TEK: variants seen among roughly 807,000 people sequenced by gnomAD.
TEK encodes TEK receptor tyrosine kinase, also known as angiopoietin-1 receptor.
TEK carries 43 observed loss-of-function variants against 131.8 expected under a neutral mutation model. That is an observed-to-expected ratio of 0.33 (90% CI 0.26 to 0.42). The LOEUF is 0.42. Ranked by LOEUF, TEK falls within the 10% of genes least tolerant of loss-of-function variation. The pLI is 1.00. For synonymous variants in TEK, 580 were observed against 491.6 expected, an observed-to-expected ratio of 1.18 and a Z score of -2.38; for missense variants, 1,162 against 1,384.4, an observed-to-expected ratio of 0.84 and a Z score of 2.55.
chr9:27,220,568 G>A (rs1826022395), intron 21 of TEK, among the ~76,000 whole-genome samples: 1 of 152,212 alleles, frequency 6.6e-6, no homozygotes, highest in African/African-American at 2.4e-5. Context: ...GATCAACGCA[G>A]AAGGCAAGTG....
Position 27,197,592 on chromosome 9 carries a change from T to A in TEK, c.1902T>A (p.Leu634=), listed in dbSNP as rs148629677. The A allele has an allele frequency of 6.4e-5, 104 of 1,613,736 alleles. No individual in the cohort carries two copies. The highest frequency in any genetic ancestry group is 8.1e-5 in the Non-Finnish European group (95 of 1,179,960). Residue 634 remains leucine, a synonymous_variant, in exon 12 of 23, where the codon CTT becomes CTA. Transcript: ENST00000380036. ...EWSEDLTAWT[L]SDILPPQPEN... Reference sequence around the variant, plus strand: ...GTGAAGATCTCACTGCTTGGACCCTTAGTGACAGTAAGTAATTCATGCTGC... The same window carrying A: ...GTGAAGATCTCACTGCTTGGACCCTAAGTGACAGTAAGTAATTCATGCTGC...
intron 18 of TEK, among the ~76,000 whole-genome samples, chr9:27,217,360 A>C (rs767173007): frequency 3.3e-5 from 5 of 152,068 alleles, no homozygotes; most frequent in African/African-American, 4.8e-5. Context: ...TAATACAGTT[A>C]AATTCTCACT....
At chr9:27,194,444 G>C (rs1052993008) in intron 11 of TEK, among the ~76,000 whole-genome samples, 4 of 152,118 alleles carry the variant, frequency 2.6e-5, no homozygotes, top group Non-Finnish European at 4.4e-5. Context: ...GACCCACCTG[G>C]TTGTGAATAT....
At chr9:27,226,419 T>G (rs1223900355) in intron 21 of TEK, among the ~76,000 whole-genome samples, 1 of 152,190 alleles carries the variant, frequency 6.6e-6, no homozygotes, top group African/African-American at 2.4e-5. Context: ...GGATGAGTTC[T>G]TGTCCTTTGG....
intron 6 of TEK, 55 bp downstream of exon 6, chr9:27,173,417 GAT>G: frequency 6.2e-7 from 1 of 1,610,944 alleles, no homozygotes; most frequent in South Asian, 1.1e-5. Flanking sequence ...ATATAAAGGA[GAT>G]CCAGTTTGCT....
At chr9:27,130,484 C>T (rs1267839703) in intron 1 of TEK, among the ~76,000 whole-genome samples, 1 of 151,904 alleles carries the variant, frequency 6.6e-6, no homozygotes, top group Admixed American at 6.6e-5. Context: ...AAGTTTAAAA[C>T]ACAATAGAAG....
At chr9:27,127,782 G>C (rs1055253747) in intron 1 of TEK, among the ~76,000 whole-genome samples, 2 of 152,164 alleles carry the variant, frequency 1.3e-5, no homozygotes, top group African/African-American at 4.8e-5. Context: ...CTTCTTTTGA[G>C]AAGTGTCTGT....
At chr9:27,148,477 A>G (rs7871178) in intron 1 of TEK, among the ~76,000 whole-genome samples, 79,137 of 152,096 alleles carry the variant, frequency 0.52, 21,631 homozygotes, top group African/African-American at 0.57. Context: ...TTGGTCTCTC[A>G]TCCTCTAGCG....
intron 13 of TEK, among the ~76,000 whole-genome samples, chr9:27,203,735 G>C (rs896027940): frequency 6.6e-6 from 1 of 152,248 alleles, no homozygotes; most frequent in African/African-American, 2.4e-5. Context: ...CTTCAAGTCT[G>C]TGCAGAGGCA....
intron 21 of TEK, 92 bp downstream of exon 21, chr9:27,220,237 C>T (rs571222805): frequency 2.2e-5 from 25 of 1,157,226 alleles, no homozygotes; most frequent in Non-Finnish European, 2.9e-5. Flanking sequence ...AGCCGGTATA[C>T]ACTATACACA....
chr9:27,217,611 A>T, intron 18 of TEK, 77 bp from the exon 19 acceptor site: 1 of 1,284,330 alleles, frequency 7.8e-7, no homozygotes, highest in South Asian at 1.2e-5. Flanking sequence ...TCATTTGTGG[A>T]GCCACAGCTC....
chr9:27,209,021 GTGAC>G lies in TEK; in HGVS notation c.2576-96_2576-93del, dbSNP rs1825504426. The G allele has an allele frequency of 5.2e-6, 4 of 773,792 alleles. No homozygotes were observed. In the Admixed American group the frequency reaches 7.5e-5, roughly 15 times the overall value. The allele number at this position is 773,792 out of a possible 1,614,324, so 47.9% of individuals were successfully genotyped here. A position where few individuals can be genotyped will look rare whatever the true frequency, so the allele number is the denominator to read the frequency against. ...TCTCTTTGGTTGTATACAGTTGATG[GTGAC>G]TGAGGGTAGCTGAAGGTTCTTAGGG... On this transcript the variant is annotated intron_variant, in intron 15 of 22. Coordinates refer to ENST00000380036, the MANE Select transcript of TEK (RefSeq NM_000459.5).
At chr9:27,200,454 G>A (rs532554271) in intron 12 of TEK, among the ~76,000 whole-genome samples, 1 of 152,304 alleles carries the variant, frequency 6.6e-6, no homozygotes, top group African/African-American at 2.4e-5. Context: ...ATTGTATGAA[G>A]TTTGATGGAG....
At chr9:27,208,660 T>G (rs1825489119) in intron 15 of TEK, among the ~76,000 whole-genome samples, 1 of 152,214 alleles carries the variant, frequency 6.6e-6, no homozygotes, top group East Asian at 1.9e-4. Context: ...TCATGGAAAC[T>G]TTGGTTCTAT....
chr9:27,134,121 G>A (rs59235957), intron 1 of TEK, among the ~76,000 whole-genome samples: 307 of 152,314 alleles, frequency 2.0e-3, no homozygotes, highest in African/African-American at 7.0e-3. Flanking sequence ...GTGACAGGCT[G>A]TTCTAGTAGA....
In TEK at chr9:27,197,304, G is replaced by C; in HGVS notation, c.1625-11G>C. The C allele has an allele frequency of 6.2e-7, 1 of 1,613,428 alleles. No homozygotes were observed. Among genetic ancestry groups the C allele is most frequent in the East Asian group, 2.2e-5 (1 of 44,860 alleles). On this transcript the variant is annotated splice_polypyrimidine_tract_variant and intron_variant, in intron 11 of 22. Transcript: ENST00000380036. ...ATATATAAAAATAATGATTTTTCTG[G>C]ATTCTCCTAGGACTCCCTCCTCCAA... is the stretch of plus-strand genomic sequence containing the variant.
chr9:27,113,179 T>G (rs1427108661), intron 1 of TEK, among the ~76,000 whole-genome samples: 1 of 152,240 alleles, frequency 6.6e-6, no homozygotes, highest in Admixed American at 6.5e-5. Context: ...GTTATTTAAT[T>G]TCTCTAAGCC....
chr9:27,206,154 A>C (rs1012452799), intron 14 of TEK, among the ~76,000 whole-genome samples: 3 of 152,030 alleles, frequency 2.0e-5, no homozygotes, highest in African/African-American at 7.2e-5. Context: ...GAGTAGGATC[A>C]AGATAATGCT....
chr9:27,175,807 T>A (rs1250667163), intron 6 of TEK, among the ~76,000 whole-genome samples: 1 of 152,234 alleles, frequency 6.6e-6, no homozygotes, highest in African/African-American at 2.4e-5. Context: ...TGTCTCTTCA[T>A]ATCCTTTGCC....
Sources: gnomAD v4.1 joint callset for allele counts (sites outside exome capture counted in the v4.1 genomes callset) on GRCh38, gnomAD v4.1.1 for gene constraint, MANE v1.5 for transcripts, NCBI Gene and HGNC (gene_info 2026-07-23, HGNC 2026-07-21) for gene names.